Variants in TNRC6A observed in about 807,000 individuals in gnomAD.
The protein encoded by TNRC6A is trinucleotide repeat containing adaptor 6A.
TNRC6A carries 44 observed loss-of-function variants against 221.2 expected under a neutral mutation model. The observed-to-expected ratio is 0.20, with a 90% CI of 0.16 to 0.26. TNRC6A has a LOEUF of 0.26. Ranked by LOEUF, TNRC6A falls within the 10% of genes least tolerant of loss-of-function variation. The pLI, the probability that TNRC6A is intolerant of heterozygous loss-of-function variation, is 1.00. For synonymous variants in TNRC6A, 847 were observed against 838.5 expected, an observed-to-expected ratio of 1.01 and a Z score of -0.18; for missense variants, 2,199 against 2,404.4, an observed-to-expected ratio of 0.91 and a Z score of 1.79.
intron 2 of TNRC6A, among the ~76,000 whole-genome samples, chr16:24,655,070 C>A (rs1474877578): frequency 1.3e-5 from 2 of 151,864 alleles, no homozygotes; most frequent in East Asian, 3.9e-4. Context: ...TGACAGAACC[C>A]CATCGCTACA....
chr16:24,757,569 T>C (rs963238058), intron 3 of TNRC6A, among the ~76,000 whole-genome samples: 4 of 152,214 alleles, frequency 2.6e-5, no homozygotes, highest in African/African-American at 9.6e-5. Flanking sequence ...TTTTTCTGTC[T>C]GTGGTTCTTT....
chr16:24,706,961 A>G (rs975340876), intron 2 of TNRC6A, among the ~76,000 whole-genome samples: 4 of 147,740 alleles, frequency 2.7e-5, no homozygotes, highest in African/African-American at 1.0e-4. Context: ...TAAACGATGT[A>G]TTTATTTATT....
rs929429314 is a variant in TNRC6A at position 24,720,421 on chromosome 16, G to T, written n.403-30305G>T. On this transcript the variant is annotated intron_variant and non_coding_transcript_variant, in intron 2 of 2. Transcript: ENST00000566108. ...AAAGAAAAAGAGGTCAGGTGTGGGG[G>T]CTCAAGCCTGTAATCCCAGCACTTT... 2.0e-5 allele frequency among the ~76,000 whole-genome samples: 3 copies of T among 152,164 alleles called. No individual in the cohort carries two copies. In the South Asian group the frequency reaches 6.2e-4, roughly 32 times the overall value.
At chr16:24,749,954 A>G (rs1231251285) in intron 2 of TNRC6A, among the ~76,000 whole-genome samples, 1 of 152,192 alleles carries the variant, frequency 6.6e-6, no homozygotes, top group African/African-American at 2.4e-5. Context: ...AGCCTGGCCA[A>G]CTTGGTGAAA....
rs1371776021 is a variant in TNRC6A at position 24,790,907 on chromosome 16, C to T, written c.2265C>T (p.Ser755=). 1.9e-6 allele frequency: 3 copies of T among 1,613,936 alleles called. No individual in the cohort carries two copies. Among genetic ancestry groups the T allele is most frequent in the Non-Finnish European group, 2.5e-6 (3 of 1,180,010 alleles). The change falls in exon 6 of 25, where the codon AGC becomes AGT. Residue 755 remains serine, a synonymous_variant. Coordinates refer to ENST00000395799, the MANE Select transcript of TNRC6A (RefSeq NM_014494.4). ...KTDNGTEAWG[S]SATQTFNSGA... is the part of the protein sequence containing the mutation. Reference sequence around the variant, plus strand: ...ACAATGGGACAGAGGCCTGGGGAAGCTCTGCAACACAGACTTTTAACTCAG... The same window carrying T: ...ACAATGGGACAGAGGCCTGGGGAAGTTCTGCAACACAGACTTTTAACTCAG...
chr16:24,761,216 A>G (rs963394975), intron 4 of TNRC6A, among the ~76,000 whole-genome samples: 1 of 152,242 alleles, frequency 6.6e-6, no homozygotes, highest in Non-Finnish European at 1.5e-5. Flanking sequence ...ACGGGACAAC[A>G]TAGCTCTAAA....
At chr16:24,776,826 G>GT (rs1222822297) in intron 4 of TNRC6A, 107 bp from the exon 5 acceptor site, 40 of 1,513,594 alleles carry the variant, frequency 2.6e-5, no homozygotes, top group South Asian at 1.9e-4. Flanking sequence ...GAAAGCTTCT[G>GT]TTTTTTTAGG....
intron 2 of TNRC6A, among the ~76,000 whole-genome samples, chr16:24,739,511 C>G (rs976382965): frequency 4.1e-5 from 5 of 121,468 alleles, no homozygotes; most frequent in Admixed American, 3.1e-4. Context: ...CAGAGTCTTG[C>G]TCTGTCGCCC....
At chr16:24,792,613 C>CTTTTT (rs34670934) in intron 6 of TNRC6A, among the ~76,000 whole-genome samples, 693 of 56,576 alleles carry the variant, frequency 0.012, 15 homozygotes, top group East Asian at 0.017. Context: ...ACATTTATGG[C>CTTTTT]TTTTTTTTTT....
intron 2 of TNRC6A, among the ~76,000 whole-genome samples, chr16:24,734,174 C>T (rs923070789): frequency 2.8e-4 from 42 of 151,110 alleles, no homozygotes; most frequent in African/African-American, 1.0e-3. Context: ...AACCCTGTCT[C>T]AAAGCAAAAA....
intron 4 of TNRC6A, among the ~76,000 whole-genome samples, chr16:24,763,008 C>G (rs2057396379): frequency 6.8e-6 from 1 of 146,550 alleles, no homozygotes; most frequent in South Asian, 2.2e-4. Flanking sequence ...ATTGTAGCAC[C>G]AGTATAATTT....
intron 4 of TNRC6A, among the ~76,000 whole-genome samples, chr16:24,759,602 A>AG (rs1379491371): frequency 1.2e-4 from 18 of 152,172 alleles, no homozygotes; most frequent in Non-Finnish European, 1.3e-4. Flanking sequence ...AGGGAGCCAC[A>AG]GGGCTTCATG....
At chr16:24,811,350 C>G (rs959965161) in intron 18 of TNRC6A, among the ~76,000 whole-genome samples, 6 of 152,320 alleles carry the variant, frequency 3.9e-5, no homozygotes, top group African/African-American at 1.4e-4. Flanking sequence ...GCCTAAGATT[C>G]TGTGACTTCC....
chr16:24,616,547 C>G (rs1900360998), intron 1 of TNRC6A, among the ~76,000 whole-genome samples: 1 of 152,060 alleles, frequency 6.6e-6, no homozygotes, highest in South Asian at 2.1e-4. Context: ...AAAATATACT[C>G]TATATGTTTT....
At chr16:24,653,807 G>A (rs1053390386) in intron 2 of TNRC6A, among the ~76,000 whole-genome samples, 6 of 151,702 alleles carry the variant, frequency 4.0e-5, no homozygotes, top group South Asian at 2.1e-4. Context: ...CCTAGTTAAC[G>A]TGATAGGCAT....
chr16:24,611,552 A>G (rs1320884931), intron 1 of TNRC6A, among the ~76,000 whole-genome samples: 1 of 152,154 alleles, frequency 6.6e-6, no homozygotes, highest in Non-Finnish European at 1.5e-5. Flanking sequence ...GGCTCAAAGC[A>G]GGAGCAAAAA....
chr16:24,650,671 A>T (rs141581761), intron 2 of TNRC6A, among the ~76,000 whole-genome samples: 1 of 151,626 alleles, frequency 6.6e-6, no homozygotes, highest in African/African-American at 2.4e-5. Flanking sequence ...ACTCAAAAAA[A>T]AAAAAAGAAA....
chr16:24,695,326 C>T (rs2055836024), intron 2 of TNRC6A, among the ~76,000 whole-genome samples: 1 of 152,072 alleles, frequency 6.6e-6, no homozygotes, highest in East Asian at 1.9e-4. Flanking sequence ...CTATGTTTTC[C>T]AGCTGCAAGT....
At chr16:24,779,377 G>A (rs2057791850) in intron 5 of TNRC6A, among the ~76,000 whole-genome samples, 1 of 152,140 alleles carries the variant, frequency 6.6e-6, no homozygotes, top group Non-Finnish European at 1.5e-5. Context: ...TTGTACTTTT[G>A]TCTCTTAAAA....
Sources: allele counts gnomAD v4.1 joint callset (sites outside exome capture counted in the v4.1 genomes callset), GRCh38; gene constraint gnomAD v4.1.1; transcripts MANE v1.5; gene names NCBI Gene and HGNC (gene_info 2026-07-23, HGNC 2026-07-21).